NSD3: variants seen among roughly 807,000 people sequenced by gnomAD.
The protein encoded by NSD3 is nuclear receptor binding SET domain protein 3.
A neutral mutation model predicts 160.8 loss-of-function variants in NSD3; 24 were observed. The ratio of observed to expected loss-of-function variants is 0.15; its 90% CI spans 0.11 to 0.21. The LOEUF (loss-of-function observed/expected upper bound fraction) is 0.21. Ranked by LOEUF, NSD3 falls within the 10% of genes least tolerant of loss-of-function variation. NSD3 has a pLI of 1.00. For synonymous variants in NSD3, 520 were observed against 600.0 expected, an observed-to-expected ratio of 0.87 and a Z score of 1.95; for missense variants, 1,157 against 1,735.9, an observed-to-expected ratio of 0.67 and a Z score of 5.93.
Position 38,316,057 on chromosome 8 carries a change from C to T in NSD3, c.1856-15G>A. ...CTCGCTGGCACCTTAATACAACACA[C>T]TGAAATTAATCCTAAAATAGTACTT... is the stretch of plus-strand genomic sequence containing the variant. On this transcript the variant is annotated splice_polypyrimidine_tract_variant and intron_variant, in intron 9 of 23. Transcript: ENST00000317025. This position sits in a 1 kb window ranked among gnomAD's most constrained non-coding sequence, Gnocchi z 4.5. 2 of 1,610,380 alleles carry T rather than the reference C, an allele frequency of 1.2e-6. No individual in the cohort carries two copies. Among genetic ancestry groups the T allele is most frequent in the Non-Finnish European group, 1.7e-6 (2 of 1,179,258 alleles).
chr8:38,299,298 T>C (rs1809228405), intron 15 of NSD3, 146 bp downstream of exon 15: 3 of 736,030 alleles, frequency 4.1e-6, no homozygotes, highest in East Asian at 2.9e-5. Flanking sequence ...TGTGCAGCCA[T>C]ATGAAGAAAC....
intron 1 of NSD3, among the ~76,000 whole-genome samples, chr8:38,356,333 T>C (rs1810823024): frequency 1.3e-5 from 2 of 152,132 alleles, no homozygotes; most frequent in Admixed American, 1.3e-4. Context: ...AACTTATTCA[T>C]GGTGGTGGGG....
chr8:38,378,573 C>T (rs1197075972), intron 1 of NSD3, among the ~76,000 whole-genome samples: 1 of 151,878 alleles, frequency 6.6e-6, no homozygotes, highest in African/African-American at 2.4e-5. Flanking sequence ...ACCCGAGAGG[C>T]GGAGCTTGCA....
At position 38,318,824 on chromosome 8, in the gene NSD3, G is replaced by A. The variant is rs375003081; in HGVS notation, c.1855+71C>T. 7 of 1,414,056 alleles carry A rather than the reference G, an allele frequency of 5.0e-6. No homozygotes were observed. 87.6% of individuals were successfully genotyped at this position (1,414,056 alleles called of 1,614,324 possible). On this transcript the variant is annotated intron_variant, in intron 9 of 23. Coordinates refer to ENST00000317025, the MANE Select transcript of NSD3 (RefSeq NM_023034.2). This position sits in a 1 kb window ranked among gnomAD's most constrained non-coding sequence, Gnocchi z 5.3. The stretch of plus-strand genomic sequence containing the variant: ...TTTACAGAGACAGACAAAAATACAT[G>A]AAGTACAAATAATTCTTAAAAATTG...
At position 38,368,540 on chromosome 8, in the gene NSD3, A is replaced by G. The variant is rs547510660; in HGVS notation, c.-45+13259T>C. 7.2e-5 allele frequency among the ~76,000 whole-genome samples: 11 copies of G among 152,342 alleles called. No individual in the cohort carries two copies. In the East Asian group the frequency reaches 1.7e-3, roughly 24 times the overall value. ...ATCCTGTCACTAAATTCAATCATAC[A>G]GTTTTCACTTGACTATGATTCCATT... is the stretch of plus-strand genomic sequence containing the variant. On this transcript the variant is annotated intron_variant, in intron 1 of 23. Transcript: ENST00000317025.
chr8:38,342,780 G>C (rs959776338), intron 2 of NSD3, among the ~76,000 whole-genome samples: 1 of 151,866 alleles, frequency 6.6e-6, no homozygotes, highest in African/African-American at 2.4e-5. Flanking sequence ...AGGAGGTCTC[G>C]ATCTCTTGAC....
chr8:38,348,433 T>G (rs538821657), intron 1 of NSD3, among the ~76,000 whole-genome samples: 27 of 152,184 alleles, frequency 1.8e-4, no homozygotes, highest in Non-Finnish European at 1.6e-4. Flanking sequence ...TCCTGATTAC[T>G]TTCACAACAA....
intron 4 of NSD3, among the ~76,000 whole-genome samples, chr8:38,336,458 A>G (rs1365478366): frequency 2.0e-5 from 3 of 152,180 alleles, no homozygotes; most frequent in Non-Finnish European, 4.4e-5. Flanking sequence ...GCTACATGTC[A>G]TATCAAATTT....
chr8:38,363,471 T>C (rs1811034561), intron 1 of NSD3, among the ~76,000 whole-genome samples: 1 of 151,806 alleles, frequency 6.6e-6, no homozygotes, highest in South Asian at 2.1e-4. Context: ...GGTGAGACTC[T>C]TGTCTGCTAA....
rs568530554 is a variant in NSD3 at position 38,315,435 on chromosome 8, T to C, written c.2096A>G (p.Lys699Arg). 4.2e-5 allele frequency: 67 copies of C among 1,596,550 alleles called. No individual in the cohort carries two copies. In the South Asian group the frequency reaches 7.5e-4, roughly 18 times the overall value. ...SLSRRGTGMS[K>R]KDTVCQICES... ...GCCTACCTGACATACAGTGTCCTTC[T>C]TACTCATTCCAGTGCCTCTTCTCGA... is the stretch of plus-strand genomic sequence containing the variant. The change falls in exon 11 of 24, where the codon AAG (lysine) becomes AGG (arginine). Residue 699 changes from lysine to arginine, a missense_variant. Lys to Arg is a conservative substitution (Grantham distance 26, BLOSUM62 2). Around this residue, in one of 10 missense-constraint regions of NSD3, gnomAD observed 437 missense variants for 576.6 expected, o/e 0.76. Coordinates refer to ENST00000317025, the MANE Select transcript of NSD3 (RefSeq NM_023034.2).
At chr8:38,352,595 T>TTTTG (rs562839477) in intron 1 of NSD3, among the ~76,000 whole-genome samples, 66 of 152,206 alleles carry the variant, frequency 4.3e-4, no homozygotes, top group East Asian at 1.2e-3. Flanking sequence ...TCCATGTTGT[T>TTTTG]TTTGTTTGTT....
intron 19 of NSD3, 103 bp from the exon 20 acceptor site, chr8:38,281,686 A>G: frequency 5.0e-6 from 3 of 598,682 alleles, no homozygotes; most frequent in Non-Finnish European, 8.1e-6. Context: ...AACCCTGAAA[A>G]TATAACTTCA....
chr8:38,373,909 G>T (rs1811320317), intron 1 of NSD3, among the ~76,000 whole-genome samples: 1 of 127,846 alleles, frequency 7.8e-6, no homozygotes, highest in South Asian at 2.5e-4. Flanking sequence ...ACCAGCCTGG[G>T]CAACTTGGCA....
chr8:38,311,161 T>G (rs1423365750), intron 12 of NSD3, among the ~76,000 whole-genome samples: 1 of 151,288 alleles, frequency 6.6e-6, no homozygotes, highest in Non-Finnish European at 1.5e-5. Context: ...GAGCTCCACC[T>G]GCTTTGGCTC....
chr8:38,370,664 T>C (rs1811222892), intron 1 of NSD3, among the ~76,000 whole-genome samples: 1 of 152,120 alleles, frequency 6.6e-6, no homozygotes, highest in Admixed American at 6.5e-5. Flanking sequence ...CAAAACTTTA[T>C]AATATTGCTG....
Position 38,347,729 on chromosome 8 carries a change from G to T in NSD3, c.443C>A (p.Thr148Asn), listed in dbSNP as rs755106675. ...SVPQTVIPKK[T>N]GSPEIKLKIT... Reference sequence around the variant, plus strand: ...TTTTAGTTTAATTTCAGGTGAGCCAGTCTTCTTTGGAATCACAGTTTGTGG... The same window carrying T: ...TTTTAGTTTAATTTCAGGTGAGCCATTCTTCTTTGGAATCACAGTTTGTGG... Residue 148 changes from threonine to asparagine, a missense_variant, in exon 2 of 24, where the codon ACT becomes AAT. Transcript: ENST00000317025. 1 of 1,612,280 alleles carries T rather than the reference G, an allele frequency of 6.2e-7. No individual in the cohort carries two copies. The highest frequency in any genetic ancestry group is 8.5e-7 in the Non-Finnish European group (1 of 1,180,028).
intron 12 of NSD3, among the ~76,000 whole-genome samples, chr8:38,308,752 G>A (rs188301830): frequency 2.3e-3 from 348 of 152,284 alleles, no homozygotes; most frequent in Non-Finnish European, 3.6e-3. Flanking sequence ...GGAGGTCGAG[G>A]CTGCAGTGAG....
rs2131024101 is a variant in NSD3 at position 38,318,397 on chromosome 8, G to A, written c.1855+498C>T. On this transcript the variant is annotated intron_variant, in intron 9 of 23. Transcript: ENST00000317025. This position sits in a 1 kb window ranked among gnomAD's most constrained non-coding sequence, Gnocchi z 5.3. ...CTTTGTGCATATCTCAAATAGATTCGCATAAGGTCATCTAATAGTGGCCAT... is the reference window on the plus strand; with the variant it reads ...CTTTGTGCATATCTCAAATAGATTCACATAAGGTCATCTAATAGTGGCCAT... Among the ~76,000 whole-genome samples, 1 of 152,104 alleles carries A rather than the reference G, an allele frequency of 6.6e-6. No individual in the cohort carries two copies. The highest frequency in any genetic ancestry group is 2.4e-5 in the African/African-American group (1 of 41,484).
At chr8:38,292,475 C>T (rs776534902) in intron 16 of NSD3, among the ~76,000 whole-genome samples, 17 of 152,056 alleles carry the variant, frequency 1.1e-4, no homozygotes, top group Middle Eastern at 3.4e-3. Flanking sequence ...GGTGAAACCC[C>T]GTCTCTAATA....
Sources: gnomAD v4.1 joint callset for allele counts (sites outside exome capture counted in the v4.1 genomes callset) on GRCh38, gnomAD v4.1.1 for gene constraint, gnomAD v4.1.1 regional missense constraint, Gnocchi (gnomAD v3.1) non-coding constraint, MANE v1.5 for transcripts, NCBI Gene and HGNC (gene_info 2026-07-23, HGNC 2026-07-21) for gene names.